The following SPAG16 variants were observed in gnomAD, a reference collection of about 807,000 sequenced individuals.
SPAG16 encodes the protein sperm-associated antigen 16 protein.
In SPAG16, 86 loss-of-function variants were observed where a neutral mutation model predicts 80.4. The ratio of observed to expected loss-of-function variants is 1.07; its 90% confidence interval spans 0.90 to 1.28. SPAG16 has a LOEUF of 1.28. Among genes scored for constraint, SPAG16 ranks in the 50% most tolerant of loss-of-function variants. The pLI is 0.00. For missense variants in SPAG16, 870 were observed against 765.3 expected, an observed-to-expected ratio of 1.14 and a Z score of -1.61; for synonymous variants, 294 against 265.9, an observed-to-expected ratio of 1.11 and a Z score of -1.03.
At chr2:213,392,771 G>C (rs1038885559) in intron 9 of SPAG16, among the ~76,000 whole-genome samples, 2 of 151,780 alleles carry the variant, frequency 1.3e-5, no homozygotes, top group African/African-American at 4.8e-5. Context: ...GCTTGAACCC[G>C]GGAGGCAGAG....
At chr2:213,697,753 A>G (rs879271914) in intron 10 of SPAG16, among the ~76,000 whole-genome samples, 9 of 152,112 alleles carry the variant, frequency 5.9e-5, no homozygotes, top group Non-Finnish European at 1.0e-4. Context: ...TTTCCTTTGT[A>G]TCTTTATCCT....
intron 15 of SPAG16, chr2:214,240,612 A>G (rs377587306): frequency 6.6e-6 from 1 of 152,246 alleles, no homozygotes; most frequent in East Asian, 1.9e-4. Context: ...TTGTTCTTCT[A>G]TAAATTCTCT....
chr2:213,949,271 A>G (rs1413469918), intron 12 of SPAG16, among the ~76,000 whole-genome samples: 1 of 142,924 alleles, frequency 7.0e-6, no homozygotes, highest in Non-Finnish European at 1.5e-5. Context: ...CCCAGGTTCA[A>G]GCGATTCTCG....
At chr2:213,909,298 C>T (rs1382299897) in intron 11 of SPAG16, among the ~76,000 whole-genome samples, 2 of 152,026 alleles carry the variant, frequency 1.3e-5, no homozygotes, top group Non-Finnish European at 2.9e-5. Flanking sequence ...AATGGCCATA[C>T]TGCCCAAGGT....
chr2:213,662,348 A>G (rs1343058885), intron 10 of SPAG16, among the ~76,000 whole-genome samples: 1 of 152,198 alleles, frequency 6.6e-6, no homozygotes, highest in Non-Finnish European at 1.5e-5. Context: ...GAAAGTGAAC[A>G]CAGAATATCC....
At chr2:214,306,699 C>G (rs1006710871) in intron 15 of SPAG16, among the ~76,000 whole-genome samples, 1 of 152,026 alleles carries the variant, frequency 6.6e-6, no homozygotes, top group Non-Finnish European at 1.5e-5. Flanking sequence ...GTGTGTTGAA[C>G]TTGCATGCAT....
At chr2:213,940,795 G>C (rs1170898555) in intron 12 of SPAG16, among the ~76,000 whole-genome samples, 1 of 151,976 alleles carries the variant, frequency 6.6e-6, no homozygotes, top group Non-Finnish European at 1.5e-5. Flanking sequence ...TAACATTTTA[G>C]TTAACAAACA....
At chr2:213,797,394 C>A (rs551729383) in intron 10 of SPAG16, among the ~76,000 whole-genome samples, 1 of 152,174 alleles carries the variant, frequency 6.6e-6, no homozygotes, top group African/African-American at 2.4e-5. Flanking sequence ...TTCATAGTGC[C>A]GAGAAAATGT....
At chr2:214,359,102 TAAC>T (rs1699007310) in intron 15 of SPAG16, among the ~76,000 whole-genome samples, 2 of 151,856 alleles carry the variant, frequency 1.3e-5, no homozygotes, top group South Asian at 4.1e-4. Context: ...TAGAGAATAA[TAAC>T]AGCAACAATA....
rs1690838584 is a variant in SPAG16 at position 214,258,212 on chromosome 2, C to T, written c.1720+108946C>T. 2.0e-5 allele frequency among the ~76,000 whole-genome samples: 3 copies of T among 151,984 alleles called. No homozygotes were observed. In the South Asian group the frequency reaches 6.2e-4, roughly 32 times the overall value. On this transcript the variant is annotated intron_variant, in intron 15 of 15. Transcript: ENST00000331683. ...CATCACTGGAGCAATGTACACTGTA[C>T]CCAATGTGTAGTCTTTTATTCCTCA...
At chr2:213,847,630 A>G (rs2074696939) in intron 10 of SPAG16, among the ~76,000 whole-genome samples, 1 of 152,190 alleles carries the variant, frequency 6.6e-6, no homozygotes, top group African/African-American at 2.4e-5. Flanking sequence ...TATTGGGATT[A>G]CATTTCAACA....
At chr2:214,187,861 T>C (rs915173973) in intron 15 of SPAG16, among the ~76,000 whole-genome samples, 3 of 152,020 alleles carry the variant, frequency 2.0e-5, no homozygotes, top group African/African-American at 7.2e-5. Context: ...GGCTCCAAAC[T>C]TTCGGACAAA....
intron 10 of SPAG16, among the ~76,000 whole-genome samples, chr2:213,633,644 G>A (rs115531622): frequency 6.6e-6 from 1 of 152,174 alleles, no homozygotes; most frequent in Non-Finnish European, 1.5e-5. Flanking sequence ...AGCTATTATT[G>A]TATTGGGACT....
intron 12 of SPAG16, among the ~76,000 whole-genome samples, chr2:213,989,962 A>G (rs2046198091): frequency 6.6e-6 from 1 of 152,140 alleles, no homozygotes; most frequent in South Asian, 2.1e-4. Flanking sequence ...TTGATTTTAG[A>G]ATAGCCACTA....
chr2:214,186,742 C>T (rs2057490899), intron 15 of SPAG16, among the ~76,000 whole-genome samples: 1 of 151,794 alleles, frequency 6.6e-6, no homozygotes, highest in Admixed American at 6.6e-5. Flanking sequence ...ATGCAATATG[C>T]AAGTAGTTGT....
chr2:213,700,455 A>C (rs1250271158), intron 10 of SPAG16, among the ~76,000 whole-genome samples: 1 of 152,172 alleles, frequency 6.6e-6, no homozygotes, highest in Non-Finnish European at 1.5e-5. Flanking sequence ...TGTAATGATG[A>C]ATATTACAAT....
chr2:213,724,030 C>T (rs2066642554), intron 10 of SPAG16, among the ~76,000 whole-genome samples: 1 of 152,200 alleles, frequency 6.6e-6, no homozygotes, highest in South Asian at 2.1e-4. Context: ...TTAACTTCTT[C>T]CTCCCCAGAC....
chr2:213,810,616 C>G (rs6750785), intron 10 of SPAG16, among the ~76,000 whole-genome samples: 37,816 of 151,888 alleles, frequency 0.25, 5,218 homozygotes, highest in Middle Eastern at 0.4. Context: ...ATATAGAGGA[C>G]AATTCAGAAG....
intron 15 of SPAG16, among the ~76,000 whole-genome samples, chr2:214,382,050 C>T (rs899311200): frequency 6.6e-6 from 1 of 152,186 alleles, no homozygotes; most frequent in Non-Finnish European, 1.5e-5. Flanking sequence ...AAGTAAATAT[C>T]ACGGTGATTT....
Sources: gnomAD v4.1 joint callset for allele counts (sites outside exome capture counted in the v4.1 genomes callset) on GRCh38, gnomAD v4.1.1 for gene constraint, MANE v1.5 for transcripts, NCBI Gene and HGNC (gene_info 2026-07-23, HGNC 2026-07-21) for gene names.